Variants in KIRREL3 observed in about 807,000 individuals in gnomAD.
KIRREL3 encodes the protein kin of IRRE-like protein 3.
KIRREL3 carries 36 observed loss-of-function variants against 89.7 expected under a neutral mutation model. The ratio of observed to expected loss-of-function variants is 0.40; its 90% confidence interval spans 0.31 to 0.53. KIRREL3 has a LOEUF of 0.53. Ranked by LOEUF, KIRREL3 falls within the 20% of genes least tolerant of loss-of-function variation. The pLI, the probability that KIRREL3 is intolerant of heterozygous loss-of-function variation, is 0.49. For synonymous variants in KIRREL3, 445 were observed against 441.4 expected, an observed-to-expected ratio of 1.01 and a Z score of -0.10; for missense variants, 864 against 1,056.6, an observed-to-expected ratio of 0.82 and a Z score of 2.53.
chr11:126,779,646 C>T (rs921342500), intron 1 of KIRREL3, among the ~76,000 whole-genome samples: 1 of 152,164 alleles, frequency 6.6e-6, no homozygotes, highest in Non-Finnish European at 1.5e-5. Context: ...TGGCGTCAAT[C>T]TTAGGACACA....
At position 126,976,470 on chromosome 11, in the gene KIRREL3, T is replaced by C. The variant is rs138288412; in HGVS notation, c.55+23985A>G. 3.6e-3 allele frequency among the ~76,000 whole-genome samples: 544 copies of C among 152,318 alleles called. 2 individuals carry two copies. Among genetic ancestry groups the C allele is most frequent in the South Asian group, 0.015 (73 of 4,826 alleles). On this transcript the variant is annotated intron_variant, in intron 1 of 16. Coordinates refer to ENST00000525144, the MANE Select transcript of KIRREL3 (RefSeq NM_032531.4). The surrounding 1 kb of genome is among the most constrained non-coding windows in gnomAD (Gnocchi z 4.2). ...TCCACTGTTTCTGAATCTACTGTCA[T>C]CTACAATTTTACTTTTTTAAAAAGT... is the stretch of plus-strand genomic sequence containing the variant.
chr11:126,772,610 G>T lies in KIRREL3; in HGVS notation c.56-209698C>A, dbSNP rs575722924. ...ATCAACGTGGGCAGGAAAGAGCAAA[G>T]GCAAGTGACAAGTTGCTAACTCATG... On this transcript the variant is annotated intron_variant, in intron 1 of 16. Coordinates refer to ENST00000525144, the MANE Select transcript of KIRREL3 (RefSeq NM_032531.4). The surrounding 1 kb of genome is among the most constrained non-coding windows in gnomAD (Gnocchi z 4.6). 6.6e-6 allele frequency among the ~76,000 whole-genome samples: 1 copy of T among 152,302 alleles called. No individual in the cohort carries two copies. Among genetic ancestry groups the T allele is most frequent in the East Asian group, 1.9e-4 (1 of 5,190 alleles).
rs931702328 is a variant in KIRREL3, at chr11:126,471,392, A to G, written c.591+1917T>C. 2.0e-5 allele frequency among the ~76,000 whole-genome samples: 3 copies of G among 147,372 alleles called. No homozygotes were observed. The highest frequency in any genetic ancestry group is 4.5e-5 in the Non-Finnish European group (3 of 66,414). ...TCTCAAAATAAATAAATAAATAAAT[A>G]AAATAAATAAAAAATAAAAAAAGAA... On this transcript the variant is annotated intron_variant, in intron 5 of 16. Coordinates refer to ENST00000525144, the MANE Select transcript of KIRREL3 (RefSeq NM_032531.4). This position sits in a 1 kb window ranked among gnomAD's most constrained non-coding sequence, Gnocchi z 5.4.
intron 13 of KIRREL3, among the ~76,000 whole-genome samples, chr11:126,433,982 G>T (rs1189792950): frequency 6.6e-6 from 1 of 152,268 alleles, no homozygotes; most frequent in Non-Finnish European, 1.5e-5. Flanking sequence ...ACGGCTGGGG[G>T]AGGGGTGCCC....
Position 126,463,211 on chromosome 11 carries a change from T to C in KIRREL3, c.688A>G (p.Thr230Ala). 6.2e-7 allele frequency: 1 copy of C among 1,613,860 alleles called. No individual in the cohort carries two copies. The highest frequency in any genetic ancestry group is 1.1e-5 in the South Asian group (1 of 91,056). Reference protein sequence around the residue: ...ENGQSIVCRATNKAIPGGKET... With the variant: ...ENGQSIVCRAANKAIPGGKET... ...TTTCCTCCGGGGATGGCTTTGTTGG[T>C]GGCACGACACACGATGCTCTGGCCA... The change falls in exon 6 of 17, where the codon ACC becomes GCC. Residue 230 changes from threonine to alanine, a missense_variant. Physicochemically the swap from Thr to Ala is moderately conservative, Grantham distance 58. Transcript: ENST00000525144. This position sits in a 1 kb window ranked among gnomAD's most constrained non-coding sequence, Gnocchi z 5.9.
rs1940441078 is a variant in KIRREL3 at position 126,565,378 on chromosome 11, T to C, written c.56-2466A>G. Among the ~76,000 whole-genome samples, 1 of 152,220 alleles carries C rather than the reference T, an allele frequency of 6.6e-6. No homozygotes were observed. The highest frequency in any genetic ancestry group is 2.4e-5 in the African/African-American group (1 of 41,464). On this transcript the variant is annotated intron_variant, in intron 1 of 16. Transcript: ENST00000525144. This position sits in a 1 kb window ranked among gnomAD's most constrained non-coding sequence, Gnocchi z 5.4. ...AGTCTCACTGATTATGTTTGATTTT[T>C]GCAAATGAGCAGGAAAAGAAGTTTT...
Position 126,606,671 on chromosome 11 carries a change from A to G in KIRREL3, c.56-43759T>C, listed in dbSNP as rs1214932371. ...GGACTCCAGTCAGTTTCCAAGCTGCATAACTTGGTTCAAGGTTGGCAGTGA... is the reference window on the plus strand; with the variant it reads ...GGACTCCAGTCAGTTTCCAAGCTGCGTAACTTGGTTCAAGGTTGGCAGTGA... On this transcript the variant is annotated intron_variant, in intron 1 of 16. Coordinates refer to ENST00000525144, the MANE Select transcript of KIRREL3 (RefSeq NM_032531.4). This position sits in a 1 kb window ranked among gnomAD's most constrained non-coding sequence, Gnocchi z 4.6. Among the ~76,000 whole-genome samples the G allele has an allele frequency of 1.3e-5, 2 of 152,264 alleles. No individual in the cohort carries two copies. Among genetic ancestry groups the G allele is most frequent in the East Asian group, 3.9e-4 (2 of 5,180 alleles).
At chr11:126,968,419 A>G (rs667223) in intron 1 of KIRREL3, among the ~76,000 whole-genome samples, 139,475 of 152,244 alleles carry the variant, frequency 0.92, 64,064 homozygotes, top group African/African-American at 0.98. Flanking sequence ...AGCAATTTCA[A>G]TCAATGGGTT....
At chr11:126,899,006 G>A (rs1272104326) in intron 1 of KIRREL3, among the ~76,000 whole-genome samples, 2 of 86,056 alleles carry the variant, frequency 2.3e-5, no homozygotes, top group Admixed American at 1.2e-4. Context: ...CCGCAGGGGA[G>A]TTTGGGGGGG....
intron 5 of KIRREL3, among the ~76,000 whole-genome samples, chr11:126,466,480 G>T (rs1162489471): frequency 6.6e-6 from 1 of 152,222 alleles, no homozygotes; most frequent in Non-Finnish European, 1.5e-5. Context: ...GGGGGGCCCA[G>T]GGGGAAGGCT....
rs894938646 is a variant in KIRREL3, at chr11:126,684,395, G to T, written c.56-121483C>A. Among the ~76,000 whole-genome samples, 4 of 152,182 alleles carry T rather than the reference G, an allele frequency of 2.6e-5. No individual in the cohort carries two copies. Among genetic ancestry groups the T allele is most frequent in the African/African-American group, 9.7e-5 (4 of 41,440 alleles). ...AGAAGTGATACATTAAAAACACATC[G>T]AAGCAAAACCTCCTGGTTGAACTGG... On this transcript the variant is annotated intron_variant, in intron 1 of 16. Transcript: ENST00000525144. This position sits in a 1 kb window ranked among gnomAD's most constrained non-coding sequence, Gnocchi z 4.2.
chr11:126,616,752 G>A (rs758520744), intron 1 of KIRREL3, among the ~76,000 whole-genome samples: 14 of 152,078 alleles, frequency 9.2e-5, no homozygotes, highest in Admixed American at 6.5e-4. Flanking sequence ...AGTGATCCTC[G>A]AGCCTTAGCC....
chr11:126,582,890 T>C (rs1228845408), intron 1 of KIRREL3, among the ~76,000 whole-genome samples: 1 of 152,240 alleles, frequency 6.6e-6, no homozygotes, highest in East Asian at 1.9e-4. Context: ...TCTGAGGTAC[T>C]GAAGAAGTAT....
intron 1 of KIRREL3, among the ~76,000 whole-genome samples, chr11:126,921,639 C>CACCT (rs1947309449): frequency 1.9e-5 from 2 of 103,608 alleles, no homozygotes; most frequent in African/African-American, 7.0e-5. Context: ...TCTATCCATC[C>CACCT]ATCTTCCTGT....
At chr11:126,662,914 T>C (rs896260739) in intron 1 of KIRREL3, among the ~76,000 whole-genome samples, 1 of 147,146 alleles carries the variant, frequency 6.8e-6, no homozygotes, top group East Asian at 2.1e-4. Context: ...TTCTTTTTTT[T>C]TTTTTTTTTT....
intron 1 of KIRREL3, among the ~76,000 whole-genome samples, chr11:126,732,876 C>A (rs543612428): frequency 6.6e-6 from 1 of 152,338 alleles, no homozygotes; most frequent in Non-Finnish European, 1.5e-5. Flanking sequence ...AGAGGCTGGA[C>A]TGAAGTTAAA....
intron 1 of KIRREL3, among the ~76,000 whole-genome samples, chr11:126,767,542 A>G (rs1260259573): frequency 6.6e-6 from 1 of 152,180 alleles, no homozygotes; most frequent in Non-Finnish European, 1.5e-5. Context: ...GTGTATAATG[A>G]TATACACTGT....
At chr11:126,888,999 G>A (rs1242138432) in intron 1 of KIRREL3, among the ~76,000 whole-genome samples, 1 of 152,224 alleles carries the variant, frequency 6.6e-6, no homozygotes, top group African/African-American at 2.4e-5. Context: ...TAGATAAATG[G>A]TGGAGCCAAG....
chr11:126,497,508 A>G lies in KIRREL3; in HGVS notation c.433+23807T>C, dbSNP rs538916201. ...AGCCTACAGTGGCCGCAGGGCCACA[A>G]CGCACTCTTCCCAGAGCTGCTAGAG... On this transcript the variant is annotated intron_variant, in intron 4 of 16. Coordinates refer to ENST00000525144, the MANE Select transcript of KIRREL3 (RefSeq NM_032531.4). 2.3e-3 allele frequency among the ~76,000 whole-genome samples: 348 copies of G among 152,342 alleles called. 8 individuals carry two copies. Among genetic ancestry groups the G allele is most frequent in the Non-Finnish European group, 5.4e-4 (37 of 68,032 alleles).
Sources: allele counts gnomAD v4.1 joint callset (sites outside exome capture counted in the v4.1 genomes callset), GRCh38; gene constraint gnomAD v4.1.1; non-coding constraint Gnocchi (gnomAD v3.1); transcripts MANE v1.5; gene names NCBI Gene and HGNC (gene_info 2026-07-23, HGNC 2026-07-21).